The following CCM2 variants were observed in gnomAD, a reference collection of about 807,000 sequenced individuals.
CCM2 encodes the protein cerebral cavernous malformations 2 protein.
In CCM2, 25 loss-of-function variants were observed where a neutral mutation model predicts 44.9. That is an observed-to-expected ratio of 0.56 (90% CI 0.41 to 0.78). The LOEUF (loss-of-function observed/expected upper bound fraction) is 0.78. Ranked by LOEUF, CCM2 falls within the 30% of genes least tolerant of loss-of-function variation. CCM2 has a pLI of 0.00. For missense variants in CCM2, 481 were observed against 580.6 expected, an observed-to-expected ratio of 0.83 and a Z score of 1.76; for synonymous variants, 219 against 241.1, an observed-to-expected ratio of 0.91 and a Z score of 0.85.
rs1280936139 is a variant in CCM2, at chr7:45,064,612, G to A, written c.438G>A (p.Arg146=). The change falls in exon 4 of 10, where the codon CGG becomes CGA. Residue 146 remains arginine (R), a synonymous_variant. Transcript: ENST00000258781. ...ACATCGCCGCCGTCTCCTATGTTCG[G>A]GATGACGCTGCACACCTGGTGGTCC... ...IHDIAAVSYV[R]DDAAHLVVLK... 3 of 1,613,968 alleles carry A rather than the reference G, an allele frequency of 1.9e-6. No homozygotes were observed. In the South Asian group the frequency reaches 3.3e-5, roughly 18 times the overall value.
intron 1 of CCM2, among the ~76,000 whole-genome samples, chr7:45,016,488 C>G (rs1035466298): frequency 4.0e-5 from 6 of 151,056 alleles, no homozygotes; most frequent in African/African-American, 1.5e-4. Flanking sequence ...TGCCACCAGG[C>G]CTGGCTAATT....
intron 1 of CCM2, among the ~76,000 whole-genome samples, chr7:45,010,126 G>C (rs1796010127): frequency 6.6e-6 from 1 of 152,050 alleles, no homozygotes; most frequent in African/African-American, 2.4e-5. Context: ...GCCCAGGCTG[G>C]TCTTGAATTC....
chr7:45,023,729 T>G (rs1349047833), intron 1 of CCM2, among the ~76,000 whole-genome samples: 1 of 151,670 alleles, frequency 6.6e-6, no homozygotes, highest in Non-Finnish European at 1.5e-5. Flanking sequence ...AAATCTTTTT[T>G]TTTTTTTTTT....
Position 45,005,593 on chromosome 7 carries a change from C to T in CCM2, c.30+5230C>T, listed in dbSNP as rs1470913461. 5.3e-5 allele frequency among the ~76,000 whole-genome samples: 8 copies of T among 152,152 alleles called. No individual in the cohort carries two copies. In the East Asian group the frequency reaches 7.7e-4, roughly 15 times the overall value. On this transcript the variant is annotated intron_variant, in intron 1 of 9. Coordinates refer to ENST00000258781, the MANE Select transcript of CCM2 (RefSeq NM_031443.4). ...AATGGTCATGATTAAGTCCTATAAA[C>T]CTAACTATTGAGCATTTAAATCACC...
At chr7:45,066,704 C>T (rs574544705) in intron 4 of CCM2, among the ~76,000 whole-genome samples, 1 of 152,218 alleles carries the variant, frequency 6.6e-6, no homozygotes, top group African/African-American at 2.4e-5. Context: ...GTCACCCGTG[C>T]ACCCGTGGTA....
At chr7:45,022,015 C>T (rs749866144) in intron 1 of CCM2, among the ~76,000 whole-genome samples, 11 of 152,264 alleles carry the variant, frequency 7.2e-5, no homozygotes, top group South Asian at 6.2e-4. Flanking sequence ...TCACGTATTT[C>T]TTAGCTATCT....
intron 1 of CCM2, among the ~76,000 whole-genome samples, chr7:45,020,052 T>G (rs1242289321): frequency 6.6e-6 from 1 of 152,202 alleles, no homozygotes; most frequent in African/African-American, 2.4e-5. Context: ...ATTTCCAGCT[T>G]CTTTAGCAGT....
intron 2 of CCM2, among the ~76,000 whole-genome samples, chr7:45,059,273 A>G (rs1416393263): frequency 6.6e-6 from 1 of 151,362 alleles, no homozygotes; most frequent in African/African-American, 2.4e-5. Flanking sequence ...ATTGGATTCA[A>G]TTTGCTGATT....
chr7:45,068,307 C>T, intron 4 of CCM2, 136 bp from the exon 5 acceptor site: 1 of 1,118,444 alleles, frequency 8.9e-7, no homozygotes. Flanking sequence ...AGGCCCTTCA[C>T]CTGAGTCGTT....
intron 6 of CCM2, chr7:45,071,977 C>A (rs1562916916): frequency 2.5e-6 from 1 of 402,166 alleles, no homozygotes; most frequent in Non-Finnish European, 5.0e-6. Flanking sequence ...TTCTGCCCTC[C>A]ATACTTACCT....
chr7:45,064,043 C>G, intron 3 of CCM2, 42 bp downstream of exon 3: 1 of 1,395,572 alleles, frequency 7.2e-7, no homozygotes, highest in Non-Finnish European at 1.0e-6. Flanking sequence ...CCCTCAGCCC[C>G]CACCAGCCCT....
In CCM2 at chr7:45,004,964, C is replaced by T. The variant is rs553590668; in HGVS notation, c.30+4601C>T. Among the ~76,000 whole-genome samples, 39 of 149,590 alleles carry T rather than the reference C, an allele frequency of 2.6e-4. 1 individual carries two copies. In the South Asian group the frequency reaches 6.6e-3, roughly 25 times the overall value. ...TGAGCTGAGAATGTGCCATTGCGCT[C>T]CAGCCTGGGCGACAAGAGTAAGACT... is the stretch of plus-strand genomic sequence containing the variant. On this transcript the variant is annotated intron_variant, in intron 1 of 9. Coordinates refer to ENST00000258781, the MANE Select transcript of CCM2 (RefSeq NM_031443.4).
chr7:45,041,834 G>C (rs1271168060), intron 2 of CCM2, among the ~76,000 whole-genome samples: 1 of 152,196 alleles, frequency 6.6e-6, no homozygotes, highest in Non-Finnish European at 1.5e-5. Flanking sequence ...GGGCAGTAAT[G>C]AGGCCCTCCT....
At chr7:45,045,156 A>G (rs1362041452) in intron 2 of CCM2, among the ~76,000 whole-genome samples, 3 of 152,094 alleles carry the variant, frequency 2.0e-5, no homozygotes, top group Admixed American at 6.5e-5. Flanking sequence ...CACTATCGTT[A>G]TAGCTGCTAG....
In CCM2 at chr7:45,056,091, A is replaced by G. The variant is rs189995632; in HGVS notation, c.205-7827A>G. On this transcript the variant is annotated intron_variant, in intron 2 of 9. Transcript: ENST00000258781. ...TGGTTTATTCATTTATCTGTCAATG[A>G]ACATTTGAGTTGTTTCTTGCTTTAG... Among the ~76,000 whole-genome samples the G allele has an allele frequency of 9.4e-4, 143 of 152,314 alleles. 2 individuals carry two copies. Among genetic ancestry groups the G allele is most frequent in the African/African-American group, 3.3e-3 (139 of 41,578 alleles).
intron 6 of CCM2, 49 bp downstream of exon 6, chr7:45,070,010 C>A: frequency 1.9e-6 from 3 of 1,605,440 alleles, no homozygotes; most frequent in Non-Finnish European, 2.5e-6. Flanking sequence ...ACAGGAGGGG[C>A]TACTGCAGTG....
At chr7:45,017,763 A>G (rs1257224934) in intron 1 of CCM2, among the ~76,000 whole-genome samples, 2 of 152,164 alleles carry the variant, frequency 1.3e-5, no homozygotes, top group Non-Finnish European at 2.9e-5. Flanking sequence ...GAGGGAATAT[A>G]ATGAGGTGCG....
Position 45,055,996 on chromosome 7 carries a change from C to T in CCM2, c.205-7922C>T, listed in dbSNP as rs116164838. 2.9e-3 allele frequency among the ~76,000 whole-genome samples: 449 copies of T among 152,316 alleles called. 4 individuals are homozygous for T. The highest frequency in any genetic ancestry group is 0.01 in the African/African-American group (430 of 41,570). ...CAGTGCCCTCAAGGTTCTTCCATGTCGTAGCATGTGTCAGCATTTCCATTG... is the reference window on the plus strand; with the variant it reads ...CAGTGCCCTCAAGGTTCTTCCATGTTGTAGCATGTGTCAGCATTTCCATTG... On this transcript the variant is annotated intron_variant, in intron 2 of 9. Coordinates refer to ENST00000258781, the MANE Select transcript of CCM2 (RefSeq NM_031443.4).
intron 2 of CCM2, among the ~76,000 whole-genome samples, chr7:45,061,964 T>G (rs117472450): frequency 0.017 from 2,554 of 152,358 alleles, 28 homozygotes; most frequent in Non-Finnish European, 0.025. Flanking sequence ...ATGCTCAGTC[T>G]CTGCCATTTG....
Sources: gnomAD v4.1 joint callset for allele counts (sites outside exome capture counted in the v4.1 genomes callset) on GRCh38, gnomAD v4.1.1 for gene constraint, MANE v1.5 for transcripts, NCBI Gene and HGNC (gene_info 2026-07-23, HGNC 2026-07-21) for gene names.